Variants in CES5A observed in about 807,000 individuals in gnomAD.
CES5A encodes the protein carboxylesterase 5.
CES5A carries 67 observed loss-of-function variants against 62.9 expected under a neutral mutation model. The observed-to-expected ratio is 1.07, with a 90% CI of 0.88 to 1.31. CES5A has a LOEUF of 1.31. CES5A is among the 50% of genes most tolerant of loss of function. The pLI is 0.00. For missense variants in CES5A, 748 were observed against 708.5 expected, an observed-to-expected ratio of 1.06 and a Z score of -0.63; for synonymous variants, 296 against 280.8, an observed-to-expected ratio of 1.05 and a Z score of -0.54.
intron 2 of CES5A, among the ~76,000 whole-genome samples, chr16:55,945,357 G>A (rs530236799): frequency 3.5e-4 from 53 of 152,232 alleles, no homozygotes; most frequent in Non-Finnish European, 7.3e-4. Flanking sequence ...AGCAAAGTTA[G>A]AATTTGAACC....
chr16:55,938,785 T>C (rs1597158421), intron 2 of CES5A, among the ~76,000 whole-genome samples: 3 of 92,670 alleles, frequency 3.2e-5, no homozygotes, highest in South Asian at 7.6e-4. Flanking sequence ...TATATATATA[T>C]ATATATATAT....
chr16:55,865,571 G>A (rs139679769), intron 5 of CES5A, among the ~76,000 whole-genome samples: 166 of 152,214 alleles, frequency 1.1e-3, no homozygotes, highest in Admixed American at 7.0e-3. Context: ...GTTGGTGAGG[G>A]AATATACATT....
chr16:55,914,945 C>A (rs1220916189), intron 1 of CES5A, among the ~76,000 whole-genome samples: 1 of 152,008 alleles, frequency 6.6e-6, no homozygotes, highest in Non-Finnish European at 1.5e-5. Context: ...CATATGGGAA[C>A]TCTGTGCTAT....
At chr16:55,901,291 T>A (rs1264310896) in intron 1 of CES5A, among the ~76,000 whole-genome samples, 2 of 143,976 alleles carry the variant, frequency 1.4e-5, no homozygotes, top group Non-Finnish European at 3.0e-5. Flanking sequence ...CATGCAGAAC[T>A]GTGAGTCAAT....
chr16:55,872,815 A>G (rs1237481147), intron 2 of CES5A, among the ~76,000 whole-genome samples: 2 of 151,924 alleles, frequency 1.3e-5, no homozygotes, highest in Non-Finnish European at 2.9e-5. Flanking sequence ...TGCCCTTGCC[A>G]TCTTATATTT....
At chr16:55,910,361 C>A (rs189157247) in intron 1 of CES5A, among the ~76,000 whole-genome samples, 21 of 152,300 alleles carry the variant, frequency 1.4e-4, no homozygotes, top group Admixed American at 9.1e-4. Flanking sequence ...CTCTCCCAGT[C>A]CTCTCCAGCA....
At chr16:55,877,194 A>G (rs1438274404), upstream of CES5A, among the ~76,000 whole-genome samples, 3 of 152,202 alleles carry the variant, frequency 2.0e-5, no homozygotes, top group Non-Finnish European at 4.4e-5. Context: ...TCACACAGCC[A>G]GACACCATCT....
chr16:55,891,426 T>A (rs758631621), intron 1 of CES5A, among the ~76,000 whole-genome samples: 1 of 152,208 alleles, frequency 6.6e-6, no homozygotes, highest in Non-Finnish European at 1.5e-5. Flanking sequence ...GTGCCCAAGG[T>A]GGTTAGAACA....
intron 4 of CES5A, 44 bp from the exon 5 acceptor site, chr16:55,866,160 G>A: frequency 6.3e-7 from 1 of 1,581,614 alleles, no homozygotes; most frequent in South Asian, 1.1e-5. Context: ...CAGCCATGGT[G>A]TGTTTCCCAC....
chr16:55,949,131 G>A (rs938331366), intron 2 of CES5A, among the ~76,000 whole-genome samples: 1 of 152,196 alleles, frequency 6.6e-6, no homozygotes, highest in African/African-American at 2.4e-5. Context: ...TCAATCATAG[G>A]TTGGGATCCA....
intron 2 of CES5A, among the ~76,000 whole-genome samples, chr16:55,930,479 T>A (rs1397162061): frequency 2.6e-5 from 4 of 152,040 alleles, no homozygotes; most frequent in Non-Finnish European, 5.9e-5. Context: ...TAAGAGAGGG[T>A]CTATTATAAA....
At chr16:55,955,077 C>G (rs2034594898) in intron 1 of CES5A, among the ~76,000 whole-genome samples, 2 of 152,178 alleles carry the variant, frequency 1.3e-5, no homozygotes, top group African/African-American at 4.8e-5. Flanking sequence ...CCTGATCCTC[C>G]TCTCTGAATG....
chr16:55,893,017 C>T lies in CES5A; in HGVS notation c.-255-18980G>A, dbSNP rs528887947. ...TGGTTTAGCCTGGCAGGTCGAAATC[C>T]GGAAAAATGCCAAATACAGCCTTCT... is the stretch of plus-strand genomic sequence containing the variant. On this transcript the variant is annotated intron_variant, in intron 1 of 12. Coordinates refer to the CES5A transcript ENST00000518005. Among the ~76,000 whole-genome samples, 17 of 152,222 alleles carry T rather than the reference C, an allele frequency of 1.1e-4. No individual in the cohort carries two copies. In the East Asian group the frequency reaches 1.2e-3, roughly 10 times the overall value.
intron 1 of CES5A, among the ~76,000 whole-genome samples, chr16:55,896,532 A>T (rs74246228): frequency 1.2e-4 from 19 of 152,226 alleles, no homozygotes; most frequent in Admixed American, 1.2e-3. Context: ...TTTCTTTATA[A>T]ATTGTGCAGT....
chr16:55,878,544 T>A (rs1252398179), upstream of CES5A, among the ~76,000 whole-genome samples: 1 of 151,720 alleles, frequency 6.6e-6, no homozygotes, highest in Non-Finnish European at 1.5e-5. Flanking sequence ...TCCAAACTAA[T>A]GCCTCATTGC....
At position 55,947,803 on chromosome 16, in the gene CES5A, G is replaced by A. The variant is rs181911957; in HGVS notation, c.160+1982C>T. On this transcript the variant is annotated intron_variant, in intron 2 of 13. Transcript: ENST00000521992. ...AGGAACAAGCTTGCCATGGACTGGA[G>A]TGAGCAAAGGGGACATAGTGGTAGG... is the stretch of plus-strand genomic sequence containing the variant. Among the ~76,000 whole-genome samples the A allele has an allele frequency of 4.2e-3, 634 of 152,214 alleles. 4 individuals carry two copies. Among genetic ancestry groups the A allele is most frequent in the African/African-American group, 0.014 (592 of 41,542 alleles).
chr16:55,924,810 C>T (rs1173320590), intron 1 of CES5A, among the ~76,000 whole-genome samples: 2 of 151,782 alleles, frequency 1.3e-5, no homozygotes, highest in Non-Finnish European at 3.0e-5. Flanking sequence ...AACTGGATAT[C>T]TACATGCAGA....
chr16:55,873,173 T>A (rs2033628408), intron 2 of CES5A, among the ~76,000 whole-genome samples: 1 of 152,080 alleles, frequency 6.6e-6, no homozygotes, highest in Admixed American at 6.6e-5. Context: ...GCCCACCCAG[T>A]AAGTCTCACC....
chr16:55,873,928 G>T lies in CES5A; in HGVS notation c.183C>A (p.Pro61=), dbSNP rs970333340. Residue 61 remains proline, a synonymous_variant, in exon 2 of 13, where the codon CCC becomes CCA. Coordinates refer to ENST00000290567, the MANE Select transcript of CES5A (RefSeq NM_001143685.2). The stretch of plus-strand genomic sequence containing the variant: ...GGGATCCCAGCGGGGGAGCAGCAAA[G>T]GGGACTCCGAGGAACACGTTCACAG... The part of the protein sequence containing the change: ...PVPVNVFLGV[P]FAAPPLGSLR... The T allele has an allele frequency of 1.2e-5, 19 of 1,613,746 alleles. No individual in the cohort carries two copies. Among genetic ancestry groups the T allele is most frequent in the Non-Finnish European group, 1.6e-5 (19 of 1,179,988 alleles).
Sources: allele counts gnomAD v4.1 joint callset (sites outside exome capture counted in the v4.1 genomes callset), GRCh38; gene constraint gnomAD v4.1.1; transcripts MANE v1.5; gene names NCBI Gene and HGNC (gene_info 2026-07-23, HGNC 2026-07-21).